GALNTL6: variants seen among roughly 807,000 people sequenced by gnomAD.
The protein encoded by GALNTL6 is polypeptide N-acetylgalactosaminyltransferase like 6.
A neutral mutation model predicts 73.7 loss-of-function variants in GALNTL6; 46 were observed. The ratio of observed to expected loss-of-function variants is 0.62; its 90% confidence interval spans 0.49 to 0.80. The LOEUF (loss-of-function observed/expected upper bound fraction) is 0.80, where lower values mean the gene tolerates loss of function less well. Among genes scored for constraint, GALNTL6 ranks in the 30% least tolerant of loss-of-function variants. The pLI, the probability that GALNTL6 is intolerant of heterozygous loss-of-function variation, is 0.00. For synonymous variants in GALNTL6, 259 were observed against 263.7 expected, an observed-to-expected ratio of 0.98 and a Z score of 0.17; for missense variants, 604 against 755.0, an observed-to-expected ratio of 0.80 and a Z score of 2.34.
At chr4:172,402,470 A>C (rs1047862097) in intron 5 of GALNTL6, among the ~76,000 whole-genome samples, 1 of 152,120 alleles carries the variant, frequency 6.6e-6, no homozygotes, top group Admixed American at 6.6e-5. Flanking sequence ...TTAAATCCAA[A>C]GCAGTTAACT....
rs138505232 is a variant in GALNTL6, at chr4:172,089,683, C to A, written c.139-139973C>A. On this transcript the variant is annotated intron_variant, in intron 2 of 12. Transcript: ENST00000506823. ...TATAGTTTCTTTTCTTAGGTTCATT[C>A]TAAAATTAATTTATTTCTTTATTTA... Among the ~76,000 whole-genome samples, 1,029 of 152,088 alleles carry A rather than the reference C, an allele frequency of 6.8e-3. 19 individuals are homozygous for A. Among genetic ancestry groups the A allele is most frequent in the African/African-American group, 0.024 (984 of 41,532 alleles).
chr4:172,340,947 C>G (rs1741536980), intron 4 of GALNTL6, among the ~76,000 whole-genome samples: 1 of 152,138 alleles, frequency 6.6e-6, no homozygotes, highest in Admixed American at 6.5e-5. Flanking sequence ...ACAGCTCATT[C>G]CTTTAGAGTG....
chr4:171,960,329 T>C (rs544989943), intron 2 of GALNTL6, among the ~76,000 whole-genome samples: 26 of 152,178 alleles, frequency 1.7e-4, no homozygotes, highest in African/African-American at 6.0e-4. Context: ...CAGGCTAGAG[T>C]GCAATGGCAT....
At chr4:172,765,369 T>C (rs1191693136) in intron 5 of GALNTL6, among the ~76,000 whole-genome samples, 1 of 152,196 alleles carries the variant, frequency 6.6e-6, no homozygotes, top group East Asian at 1.9e-4. Context: ...TTTGGCATTT[T>C]AGAGGAAAAT....
intron 4 of GALNTL6, among the ~76,000 whole-genome samples, chr4:172,317,530 A>G (rs1740604871): frequency 6.6e-6 from 1 of 152,244 alleles, no homozygotes; most frequent in Admixed American, 6.5e-5. Context: ...GACCTAGTGT[A>G]TTCTAATTTC....
At chr4:172,011,837 A>C (rs915478200) in intron 2 of GALNTL6, among the ~76,000 whole-genome samples, 1 of 152,142 alleles carries the variant, frequency 6.6e-6, no homozygotes, top group Non-Finnish European at 1.5e-5. Flanking sequence ...ACTAAACCTT[A>C]GGGAACAGAG....
chr4:172,269,293 G>A (rs1423255062), intron 3 of GALNTL6, among the ~76,000 whole-genome samples: 4 of 152,198 alleles, frequency 2.6e-5, no homozygotes, highest in Non-Finnish European at 5.9e-5. Flanking sequence ...AGGCACGGAG[G>A]TTAGGTAAAA....
intron 2 of GALNTL6, among the ~76,000 whole-genome samples, chr4:172,076,443 G>A (rs1252291881): frequency 6.6e-6 from 1 of 152,158 alleles, no homozygotes; most frequent in Non-Finnish European, 1.5e-5. Context: ...GTACTGAATT[G>A]TGTTGCTGGA....
intron 10 of GALNTL6, among the ~76,000 whole-genome samples, chr4:172,976,647 C>G (rs1424409600): frequency 6.6e-6 from 1 of 152,198 alleles, no homozygotes; most frequent in Non-Finnish European, 1.5e-5. Flanking sequence ...AAGAATACTT[C>G]AGGAAAATGT....
chr4:172,521,938 T>C (rs923311510), intron 5 of GALNTL6, among the ~76,000 whole-genome samples: 3 of 152,218 alleles, frequency 2.0e-5, no homozygotes, highest in African/African-American at 7.2e-5. Context: ...TATTGTGTGC[T>C]ACGTAACTTG....
chr4:172,176,615 C>G (rs1427152482), intron 2 of GALNTL6, among the ~76,000 whole-genome samples: 1 of 151,814 alleles, frequency 6.6e-6, no homozygotes, highest in African/African-American at 2.4e-5. Flanking sequence ...CATAGTGAGA[C>G]TCTGCCTCAA....
intron 5 of GALNTL6, among the ~76,000 whole-genome samples, chr4:172,676,011 T>C (rs1732284200): frequency 6.6e-6 from 1 of 152,226 alleles, no homozygotes; most frequent in Non-Finnish European, 1.5e-5. Context: ...GAATTTTAGA[T>C]GTTGCCTGAA....
At chr4:172,749,094 T>A (rs1458760466) in intron 5 of GALNTL6, among the ~76,000 whole-genome samples, 1 of 97,386 alleles carries the variant, frequency 1.0e-5, no homozygotes, top group African/African-American at 4.8e-5. Flanking sequence ...TGTTGTTTGT[T>A]TTTTTTTTGA....
At chr4:171,935,466 T>G (rs181702274) in intron 2 of GALNTL6, among the ~76,000 whole-genome samples, 1 of 152,226 alleles carries the variant, frequency 6.6e-6, no homozygotes, top group African/African-American at 2.4e-5. Flanking sequence ...AGAAACACAC[T>G]GACTCTCTTT....
chr4:172,987,587 G>A (rs1266959341), intron 10 of GALNTL6, among the ~76,000 whole-genome samples: 1 of 152,170 alleles, frequency 6.6e-6, no homozygotes, highest in African/African-American at 2.4e-5. Flanking sequence ...ATGGTGATAT[G>A]ATTTGGATTT....
intron 2 of GALNTL6, among the ~76,000 whole-genome samples, chr4:171,976,178 C>T (rs947464250): frequency 2.6e-5 from 4 of 152,186 alleles, no homozygotes; most frequent in African/African-American, 9.6e-5. Context: ...CCACCTCGAC[C>T]TCCCAAAGTG....
intron 8 of GALNTL6, among the ~76,000 whole-genome samples, chr4:172,885,121 C>T (rs1213338186): frequency 6.6e-6 from 1 of 151,988 alleles, no homozygotes; most frequent in South Asian, 2.1e-4. Context: ...TTTCTTGTTC[C>T]CTACAAATTT....
chr4:173,026,735 G>A (rs1185897505), intron 12 of GALNTL6, among the ~76,000 whole-genome samples: 2 of 152,072 alleles, frequency 1.3e-5, no homozygotes, highest in Admixed American at 6.6e-5. Context: ...CAGATTTTTA[G>A]GGATTTTTTC....
At chr4:172,847,267 A>G (rs1025427351) in intron 7 of GALNTL6, among the ~76,000 whole-genome samples, 1 of 152,138 alleles carries the variant, frequency 6.6e-6, no homozygotes, top group Non-Finnish European at 1.5e-5. Context: ...AGTTCTTATC[A>G]ACTATCTTGG....
Sources: allele counts gnomAD v4.1 joint callset (sites outside exome capture counted in the v4.1 genomes callset), GRCh38; gene constraint gnomAD v4.1.1; transcripts MANE v1.5; gene names NCBI Gene and HGNC (gene_info 2026-07-23, HGNC 2026-07-21).